The following STAG1 variants were observed in gnomAD, a reference collection of about 807,000 sequenced individuals.
The protein encoded by STAG1 is STAG1 cohesin complex component, also known as cohesin subunit SA-1.
STAG1 carries 26 observed loss-of-function variants against 170.9 expected under a neutral mutation model. That is an observed-to-expected ratio of 0.15 (90% confidence interval 0.11 to 0.21). The LOEUF is 0.21. Among genes scored for constraint, STAG1 ranks in the 10% least tolerant of loss-of-function variants. The probability of loss-of-function intolerance (pLI) is 1.00; values close to 1 mark genes in which losing one functional copy is unlikely to be tolerated. For missense variants in STAG1, 964 were observed against 1,509.5 expected, an observed-to-expected ratio of 0.64 and a Z score of 5.99; for synonymous variants, 514 against 497.7, an observed-to-expected ratio of 1.03 and a Z score of -0.44.
intron 8 of STAG1, among the ~76,000 whole-genome samples, chr3:136,501,446 C>G (rs1481548592): frequency 2.6e-5 from 4 of 152,032 alleles, no homozygotes; most frequent in Non-Finnish European, 4.4e-5. Flanking sequence ...GACTGATGTC[C>G]TTAAGAAGGG....
Position 136,464,774 on chromosome 3 carries a change from C to T in STAG1, c.1313+107G>A, listed in dbSNP as rs923076846. Reference sequence around the variant, plus strand: ...TATAGCCCCTGGAGTATCAGATGGACATTTTCAGCACTGTGTTCAGTCACT... The same window carrying T: ...TATAGCCCCTGGAGTATCAGATGGATATTTTCAGCACTGTGTTCAGTCACT... On this transcript the variant is annotated intron_variant, in intron 13 of 33. Transcript: ENST00000383202. 6 of 852,696 alleles carry T rather than the reference C, an allele frequency of 7.0e-6. No individual in the cohort carries two copies. In the African/African-American group the frequency reaches 1.0e-4, roughly 15 times the overall value. 52.8% of individuals were successfully genotyped at this position (852,696 alleles called of 1,614,324 possible). A position where few individuals can be genotyped will look rare whatever the true frequency, so the allele number is the denominator to read the frequency against.
intron 4 of STAG1, among the ~76,000 whole-genome samples, chr3:136,586,182 A>G (rs963989613): frequency 2.0e-5 from 3 of 152,144 alleles, no homozygotes; most frequent in Non-Finnish European, 4.4e-5. Flanking sequence ...GTAAATACAT[A>G]AAGTCCATTT....
Position 136,357,854 on chromosome 3 carries a change from G to T in STAG1, c.2937-6C>A, listed in dbSNP as rs1377215734. ...ATGCAAACTCTATGCCATCCCTGAAGTAAAAGAAAATATCAACTTATTTTT... is the reference window on the plus strand; with the variant it reads ...ATGCAAACTCTATGCCATCCCTGAATTAAAAGAAAATATCAACTTATTTTT... On this transcript the variant is annotated splice_polypyrimidine_tract_variant and splice_region_variant and intron_variant, in intron 27 of 33. Transcript: ENST00000383202. 4 of 1,587,752 alleles carry T rather than the reference G, an allele frequency of 2.5e-6. No individual in the cohort carries two copies. The African/African-American group carries it at 5.4e-5, about 22-fold the overall frequency.
At chr3:136,430,806 G>GACACACACACACACACACAC (rs35492621) in intron 16 of STAG1, among the ~76,000 whole-genome samples, 15 of 131,158 alleles carry the variant, frequency 1.1e-4, no homozygotes, top group Non-Finnish European at 2.2e-4. Context: ...GACATAGACA[G>GACACACACACACACACACAC]ACACACACAC....
intron 30 of STAG1, among the ~76,000 whole-genome samples, chr3:136,342,022 ATT>A (rs111279005): frequency 5.5e-5 from 8 of 145,752 alleles, no homozygotes; most frequent in African/African-American, 1.5e-4. Context: ...CCTCTAAGGA[ATT>A]TTTTTTTTTT....
At chr3:136,561,727 A>G (rs549739800) in intron 5 of STAG1, among the ~76,000 whole-genome samples, 57 of 152,340 alleles carry the variant, frequency 3.7e-4, no homozygotes, top group African/African-American at 1.3e-3. Context: ...ATAATGTTAA[A>G]TAAGAATTGT....
chr3:136,523,396 GC>G (rs1318484831), intron 6 of STAG1, among the ~76,000 whole-genome samples: 2 of 132,474 alleles, frequency 1.5e-5, no homozygotes, highest in Non-Finnish European at 3.2e-5. Context: ...CATATCCTTA[GC>G]CCACTTGTTG....
intron 4 of STAG1, among the ~76,000 whole-genome samples, chr3:136,579,958 A>ATT (rs749325884): frequency 0.07 from 5,124 of 73,308 alleles, 1,090 homozygotes; most frequent in African/African-American, 0.11. Context: ...TACCATCTGA[A>ATT]TTTTTTTTTT....
chr3:136,649,528 G>C (rs1941145603), intron 1 of STAG1, among the ~76,000 whole-genome samples: 1 of 146,628 alleles, frequency 6.8e-6, no homozygotes, highest in South Asian at 2.1e-4. Flanking sequence ...AAAAAGAAAG[G>C]GTCCAGTTTG....
chr3:136,739,615 T>C (rs1333261098), intron 1 of STAG1, among the ~76,000 whole-genome samples: 1 of 149,212 alleles, frequency 6.7e-6, no homozygotes, highest in South Asian at 2.1e-4. Context: ...AGGTCAGGAG[T>C]TCGAGACCAG....
intron 5 of STAG1, among the ~76,000 whole-genome samples, chr3:136,553,082 C>T (rs919781739): frequency 1.3e-5 from 2 of 151,970 alleles, no homozygotes; most frequent in Non-Finnish European, 1.5e-5. Context: ...AATAAACTTA[C>T]CATGTTAAAA....
intron 9 of STAG1, 73 bp from the exon 10 acceptor site, chr3:136,477,485 A>C (rs2089782027): frequency 2.2e-6 from 3 of 1,345,188 alleles, no homozygotes; most frequent in Non-Finnish European, 3.0e-6. Flanking sequence ...GCTTTCCATA[A>C]GCAATAAATA....
intron 22 of STAG1, among the ~76,000 whole-genome samples, chr3:136,378,001 G>T (rs1050109353): frequency 2.0e-5 from 3 of 152,170 alleles, no homozygotes; most frequent in African/African-American, 7.2e-5. Context: ...GTTTTCAACA[G>T]ATTTCCTTTA....
At chr3:136,352,401 C>T (rs1243516260) in intron 28 of STAG1, among the ~76,000 whole-genome samples, 3 of 152,088 alleles carry the variant, frequency 2.0e-5, no homozygotes, top group South Asian at 2.1e-4. Context: ...CTCAAGTGAT[C>T]GGTCCGCCTT....
intron 7 of STAG1, among the ~76,000 whole-genome samples, chr3:136,506,782 T>C (rs977452069): frequency 6.6e-6 from 1 of 152,168 alleles, no homozygotes; most frequent in African/African-American, 2.4e-5. Context: ...GTTATGTAAG[T>C]GGAAATGCCT....
intron 1 of STAG1, among the ~76,000 whole-genome samples, chr3:136,751,339 CCCATA>C (rs1216666724): frequency 6.6e-6 from 1 of 152,048 alleles, no homozygotes; most frequent in East Asian, 1.9e-4. Context: ...TTTCTTAGTA[CCCATA>C]CCATACAAGA....
chr3:136,511,909 C>T (rs1039924026), intron 7 of STAG1, among the ~76,000 whole-genome samples: 4 of 144,728 alleles, frequency 2.8e-5, no homozygotes, highest in African/African-American at 9.7e-5. Flanking sequence ...GAGCAGAGAG[C>T]ATTTAAAATC....
At chr3:136,494,839 T>C (rs1051179180) in intron 9 of STAG1, among the ~76,000 whole-genome samples, 1 of 152,208 alleles carries the variant, frequency 6.6e-6, no homozygotes, top group Non-Finnish European at 1.5e-5. Flanking sequence ...CAAAGTCTAA[T>C]TGTTTCCCCA....
At chr3:136,671,908 G>A (rs1363758238) in intron 1 of STAG1, among the ~76,000 whole-genome samples, 1 of 152,120 alleles carries the variant, frequency 6.6e-6, no homozygotes, top group Non-Finnish European at 1.5e-5. Context: ...AAGAAAAAAA[G>A]TAAACAGACC....
Sources: allele counts gnomAD v4.1 joint callset (sites outside exome capture counted in the v4.1 genomes callset), GRCh38; gene constraint gnomAD v4.1.1; transcripts MANE v1.5; gene names NCBI Gene and HGNC (gene_info 2026-07-23, HGNC 2026-07-21).